The following PLEKHA7 variants were observed in gnomAD, a reference collection of about 807,000 sequenced individuals.
PLEKHA7 encodes the protein pleckstrin homology domain-containing family A member 7.
PLEKHA7 carries 104 observed loss-of-function variants against 170.0 expected under a neutral mutation model. The observed-to-expected ratio is 0.61, with a 90% CI of 0.52 to 0.72. The LOEUF is 0.72. Ranked by LOEUF, PLEKHA7 falls within the 30% of genes least tolerant of loss-of-function variation. The pLI, the probability that PLEKHA7 is intolerant of heterozygous loss-of-function variation, is 0.00. For missense variants in PLEKHA7, 1,615 were observed against 1,671.7 expected (o/e 0.97, Z 0.59); for synonymous variants, 648 against 660.8 (o/e 0.98, Z 0.30).
intron 3 of PLEKHA7, among the ~76,000 whole-genome samples, chr11:16,937,608 T>C: frequency 6.6e-6 from 1 of 152,054 alleles, no homozygotes; most frequent in East Asian, 1.9e-4. Flanking sequence ...TAGGATGTTT[T>C]TCTTTTCTTT....
At chr11:16,888,556 C>A (rs1170515204) in intron 3 of PLEKHA7, among the ~76,000 whole-genome samples, 2 of 152,340 alleles carry the variant, frequency 1.3e-5, no homozygotes, top group African/African-American at 4.8e-5. Flanking sequence ...CAACCCCGTG[C>A]TCTCTGAAAC....
At chr11:16,921,773 A>G (rs907164859) in intron 3 of PLEKHA7, among the ~76,000 whole-genome samples, 2 of 152,246 alleles carry the variant, frequency 1.3e-5, no homozygotes, top group African/African-American at 4.8e-5. Context: ...ATAATATGCA[A>G]TGCTGCATTA....
In PLEKHA7 at chr11:17,013,949, C is replaced by CG. The variant is rs748749213; in HGVS notation, c.221+39_221+40insC. 6.0e-6 allele frequency: 9 copies of CG among 1,511,148 alleles called. No individual in the cohort carries two copies. In the South Asian group the frequency reaches 9.9e-5, roughly 17 times the overall value. 93.6% of individuals were successfully genotyped at this position (1,511,148 alleles called of 1,614,324 possible). A position where few individuals can be genotyped will look rare whatever the true frequency, so the allele number is the denominator to read the frequency against. ...GCGGGAACGGGGAGGGACCCCCCCC[C>CG]CGCGGCACAGGTGCGAGCGCGGCGG... On this transcript the variant is annotated intron_variant, in intron 3 of 26. Transcript: ENST00000531066.
intron 10 of PLEKHA7, among the ~76,000 whole-genome samples, chr11:16,821,212 C>T (rs761649423): frequency 3.8e-4 from 58 of 152,206 alleles, no homozygotes; most frequent in Non-Finnish European, 6.6e-4. Flanking sequence ...AGATGTTCCT[C>T]ACCCTAACTT....
chr11:16,859,384 T>C (rs1016859209), intron 4 of PLEKHA7, among the ~76,000 whole-genome samples: 4 of 152,104 alleles, frequency 2.6e-5, no homozygotes, highest in African/African-American at 7.2e-5. Context: ...TTAAAAAAAA[T>C]GGTGGTCGTG....
At chr11:17,001,010 C>A (rs986724281) in intron 3 of PLEKHA7, among the ~76,000 whole-genome samples, 3 of 152,198 alleles carry the variant, frequency 2.0e-5, no homozygotes, top group Non-Finnish European at 2.9e-5. Context: ...CCCAAACAGG[C>A]ACACAGGTAC....
chr11:16,888,884 C>A (rs407705), intron 3 of PLEKHA7, among the ~76,000 whole-genome samples: 4 of 122,034 alleles, frequency 3.3e-5, no homozygotes, highest in Non-Finnish European at 5.4e-5. Context: ...TTAAAAAAAA[C>A]AAAATTCAAG....
chr11:16,826,031 C>T, intron 10 of PLEKHA7, 89 bp downstream of exon 10: 1 of 1,327,844 alleles, frequency 7.5e-7, no homozygotes, highest in Non-Finnish European at 1.1e-6. Flanking sequence ...TTAAGGCTGC[C>T]CTTACGCAGC....
chr11:16,786,354 G>T lies in PLEKHA7; in HGVS notation c.3391C>A (p.Leu1131Met). ...TTTTCCCCTTGCACGACCCGTTCCAGCAACTGCAGGTCAAAGTCCTGCTCA... is the reference window on the plus strand; with the variant it reads ...TTTTCCCCTTGCACGACCCGTTCCATCAACTGCAGGTCAAAGTCCTGCTCA... ...KREQDFDLQLLERVVQGEKKD... is the reference protein window; with the variant it reads ...KREQDFDLQLMERVVQGEKKD... Residue 1131 changes from leucine to methionine, a missense_variant, in exon 24 of 27, where the codon CTG (leucine) becomes ATG (methionine). Leu to Met is a conservative substitution (Grantham distance 15, BLOSUM62 2). Coordinates refer to ENST00000531066, the MANE Select transcript of PLEKHA7 (RefSeq NM_001329630.2). The T allele has an allele frequency of 6.5e-7, 1 of 1,536,116 alleles. No individual in the cohort carries two copies. The highest frequency in any genetic ancestry group is 8.7e-7 in the Non-Finnish European group (1 of 1,146,912).
chr11:16,970,959 A>C (rs1451367312), intron 3 of PLEKHA7, among the ~76,000 whole-genome samples: 2 of 152,168 alleles, frequency 1.3e-5, no homozygotes, highest in Non-Finnish European at 2.9e-5. Context: ...AAATCAGAAA[A>C]AGTTATATAT....
intron 3 of PLEKHA7, among the ~76,000 whole-genome samples, chr11:16,997,469 A>G (rs1864409440): frequency 6.6e-6 from 1 of 152,160 alleles, no homozygotes; most frequent in Non-Finnish European, 1.5e-5. Context: ...GTCAAGTCCA[A>G]AACAAAGACC....
At chr11:16,920,508 C>T (rs534162725) in intron 3 of PLEKHA7, among the ~76,000 whole-genome samples, 1 of 152,214 alleles carries the variant, frequency 6.6e-6, no homozygotes, top group African/African-American at 2.4e-5. Flanking sequence ...GTCTTTGGTG[C>T]TTGGTCCTTA....
chr11:16,852,466 T>C, intron 6 of PLEKHA7, 111 bp from the exon 7 acceptor site: 1 of 776,588 alleles, frequency 1.3e-6, no homozygotes, highest in Non-Finnish European at 2.0e-6. Flanking sequence ...TCACTCTTTG[T>C]TTTAATAAAT....
intron 9 of PLEKHA7, among the ~76,000 whole-genome samples, chr11:16,840,073 G>C (rs1198200168): frequency 6.6e-6 from 1 of 152,114 alleles, no homozygotes. Context: ...GAAAAATGCA[G>C]GCTGGATGAC....
At chr11:16,902,977 G>T (rs769947668) in intron 3 of PLEKHA7, among the ~76,000 whole-genome samples, 1 of 152,220 alleles carries the variant, frequency 6.6e-6, no homozygotes, top group South Asian at 2.1e-4. Context: ...GGACAGAGAA[G>T]TTGGGAGCAA....
intron 23 of PLEKHA7, chr11:16,788,802 G>C (rs897825583): frequency 5.9e-6 from 3 of 504,274 alleles, no homozygotes; most frequent in Non-Finnish European, 1.1e-5. Flanking sequence ...ATTCAGCCGA[G>C]ATTCCGAACG....
intron 13 of PLEKHA7, among the ~76,000 whole-genome samples, chr11:16,811,116 A>T (rs1034712553): frequency 6.6e-6 from 1 of 152,168 alleles, no homozygotes; most frequent in Admixed American, 6.5e-5. Context: ...AATCCCGCAT[A>T]GCTCAAATTC....
At chr11:16,841,340 A>T (rs563721250) in intron 9 of PLEKHA7, among the ~76,000 whole-genome samples, 1 of 152,302 alleles carries the variant, frequency 6.6e-6, no homozygotes, top group Admixed American at 6.5e-5. Context: ...AGAAGCCCAC[A>T]CATGCCAGTT....
At chr11:16,826,911 G>A (rs541248210) in intron 9 of PLEKHA7, among the ~76,000 whole-genome samples, 3 of 152,172 alleles carry the variant, frequency 2.0e-5, no homozygotes, top group African/African-American at 4.8e-5. Flanking sequence ...AGTTATTTTC[G>A]GCCAGTGGCC....
Sources: gnomAD v4.1 joint callset for allele counts (sites outside exome capture counted in the v4.1 genomes callset) on GRCh38, gnomAD v4.1.1 for gene constraint, MANE v1.5 for transcripts, NCBI Gene and HGNC (gene_info 2026-07-23, HGNC 2026-07-21) for gene names.